Variants in GRAMD2A observed in about 807,000 individuals in gnomAD.
The protein encoded by GRAMD2A is GRAM domain-containing protein 2A.
A neutral mutation model predicts 51.1 loss-of-function variants in GRAMD2A; 37 were observed. That is an observed-to-expected ratio of 0.72 (90% confidence interval 0.56 to 0.95). GRAMD2A has a LOEUF of 0.95. GRAMD2A is among the 40% of genes least tolerant of loss of function. The pLI, the probability that GRAMD2A is intolerant of heterozygous loss-of-function variation, is 0.00. For missense variants in GRAMD2A, 414 were observed against 426.9 expected (o/e 0.97, Z 0.27); for synonymous variants, 136 against 157.1 (o/e 0.87, Z 1.01).
At chr15:72,171,682 G>A (rs1006128241) in intron 1 of GRAMD2A, among the ~76,000 whole-genome samples, 1 of 152,078 alleles carries the variant, frequency 6.6e-6, no homozygotes, top group Non-Finnish European at 1.5e-5. Context: ...GTCTTCATTT[G>A]TATTTCTGCT....
chr15:72,176,583 C>T (rs2081654613), intron 1 of GRAMD2A: 1 of 152,476 alleles, frequency 6.6e-6, no homozygotes, highest in Non-Finnish European at 1.5e-5. Context: ...GGCAACAGGC[C>T]CCGACAGTAC....
At chr15:72,162,198 C>T (rs1451498491) in intron 11 of GRAMD2A, 75 bp downstream of exon 11, 4 of 1,389,076 alleles carry the variant, frequency 2.9e-6, no homozygotes, top group Non-Finnish European at 4.1e-6. Flanking sequence ...TCCAGCCAGG[C>T]AGCCTGGCCT....
Position 72,190,702 on chromosome 15 carries a change from G to A in GRAMD2A, c.41+7029C>T, listed in dbSNP as rs572890962. On this transcript the variant is annotated intron_variant, in intron 1 of 11. Transcript: ENST00000309731. ...CTGAGGTCCAGGCAAGAGTTGGAGG[G>A]TGGATCTGTGAACTCCTGGAACTTT... Among the ~76,000 whole-genome samples, 11 of 152,330 alleles carry A rather than the reference G, an allele frequency of 7.2e-5. No homozygotes were observed. In the East Asian group the frequency reaches 9.6e-4, roughly 13 times the overall value.
intron 1 of GRAMD2A, among the ~76,000 whole-genome samples, chr15:72,171,003 C>T (rs1357426368): frequency 6.6e-6 from 1 of 152,188 alleles, no homozygotes; most frequent in Admixed American, 6.5e-5. Flanking sequence ...TCAGCCTCAC[C>T]CGCTCCCACC....
At chr15:72,168,613 G>T in intron 3 of GRAMD2A, 47 bp from the exon 4 acceptor site, 1 of 1,489,924 alleles carries the variant, frequency 6.7e-7, no homozygotes, top group Non-Finnish European at 9.4e-7. Context: ...AGATGAGACC[G>T]CCAAAGGGGC....
intron 1 of GRAMD2A, among the ~76,000 whole-genome samples, chr15:72,183,649 G>C (rs538412936): frequency 6.6e-6 from 1 of 152,306 alleles, no homozygotes; most frequent in East Asian, 1.9e-4. Flanking sequence ...GGCCAACATG[G>C]TGAAATCCTG....
intron 1 of GRAMD2A, among the ~76,000 whole-genome samples, chr15:72,177,674 G>A (rs1167175405): frequency 2.0e-5 from 3 of 152,206 alleles, no homozygotes; most frequent in East Asian, 1.9e-4. Flanking sequence ...ATTCACTTCC[G>A]TGGGTAAACA....
chr15:72,167,835 A>G lies in GRAMD2A; in HGVS notation c.273T>C (p.Cys91=). The part of the protein sequence containing the change: ...VPLEEVVLKV[C]SCALQRDFLL... ...GGAAGTCCCTCTGGAGGGCACAGGA[A>G]CACACTAGGATGTCACAGGAGAGAA... The change falls in exon 5 of 12, where the codon TGT becomes TGC. Residue 91 remains cysteine, a synonymous_variant. Transcript: ENST00000309731. 6 of 1,611,458 alleles carry G rather than the reference A, an allele frequency of 3.7e-6. No individual in the cohort carries two copies. Among genetic ancestry groups the G allele is most frequent in the Non-Finnish European group, 5.1e-6 (6 of 1,177,642 alleles).
intron 1 of GRAMD2A, among the ~76,000 whole-genome samples, chr15:72,188,352 A>T (rs1269492453): frequency 6.6e-6 from 1 of 152,094 alleles, no homozygotes; most frequent in East Asian, 1.9e-4. Context: ...AAAAAAAAAA[A>T]AAAGAATGCT....
chr15:72,197,733 G>A lies in GRAMD2A; in HGVS notation c.39C>T (p.Gly13=), dbSNP rs1480618253. 1.5e-6 allele frequency: 2 copies of A among 1,332,298 alleles called. No individual in the cohort carries two copies. Among genetic ancestry groups the A allele is most frequent in the Non-Finnish European group, 9.7e-7 (1 of 1,035,410 alleles). 82.5% of individuals were successfully genotyped at this position (1,332,298 alleles called of 1,614,324 possible). A position where few individuals can be genotyped will look rare whatever the true frequency, so the allele number is the denominator to read the frequency against. Residue 13 remains glycine (G), a splice_region_variant and synonymous_variant, in exon 1 of 12, where the codon GGC becomes GGT. Coordinates refer to ENST00000309731, the MANE Select transcript of GRAMD2A (RefSeq NM_001012642.3). ...ALSRSEATEE[G]GNQQMHRKTA... ...GCCCCCGGGCCGCAACCCCTTACCC[G>A]CCCTCCTCGGTGGCCTCGCTCCGGC...
At chr15:72,165,536 C>A in intron 7 of GRAMD2A, 126 bp from the exon 8 acceptor site, 1 of 925,954 alleles carries the variant, frequency 1.1e-6, no homozygotes, top group Non-Finnish European at 1.7e-6. Context: ...AGGTGAAGCC[C>A]AGCTCCCAGG....
chr15:72,168,700 C>T, intron 3 of GRAMD2A, 134 bp from the exon 4 acceptor site: 1 of 794,640 alleles, frequency 1.3e-6, no homozygotes, highest in Admixed American at 2.0e-5. Flanking sequence ...TAGTAAGCAG[C>T]CAGTGAGTAT....
Position 72,166,947 on chromosome 15 carries a change from G to T in GRAMD2A, c.471+47C>A. Reference sequence around the variant, plus strand: ...CCGAGTCAGACTGTGGGCTGTCAGGGCTGGGAGCGGGAGACTGACAAGGGA... The same window carrying T: ...CCGAGTCAGACTGTGGGCTGTCAGGTCTGGGAGCGGGAGACTGACAAGGGA... On this transcript the variant is annotated intron_variant, in intron 6 of 11. Transcript: ENST00000309731. The surrounding 1 kb of genome is among the most constrained non-coding windows in gnomAD (Gnocchi z 4.1). The T allele has an allele frequency of 6.9e-7, 1 of 1,449,660 alleles. No individual in the cohort carries two copies. Among genetic ancestry groups the T allele is most frequent in the Non-Finnish European group, 9.7e-7 (1 of 1,030,372 alleles). 89.8% of individuals were successfully genotyped at this position (1,449,660 alleles called of 1,614,324 possible).
intron 4 of GRAMD2A, 135 bp downstream of exon 4, chr15:72,168,356 C>T: frequency 1.4e-6 from 1 of 697,942 alleles, no homozygotes; most frequent in Non-Finnish European, 2.6e-6. Flanking sequence ...AGTCTTCTCA[C>T]ATTCTAGGGG....
At chr15:72,162,653 T>G (rs1243041901) in intron 10 of GRAMD2A, 2 of 342,864 alleles carry the variant, frequency 5.8e-6, no homozygotes, top group Non-Finnish European at 1.1e-5. Context: ...GCCAGATCAG[T>G]CATCCTACCC....
At position 72,192,982 on chromosome 15, in the gene GRAMD2A, C is replaced by T. The variant is rs572344798; in HGVS notation, c.41+4749G>A. The stretch of plus-strand genomic sequence containing the variant: ...TCTACTAAAAATACAAAAAATTAGT[C>T]GGGCGTGGTGGCACATGACTGTAAT... On this transcript the variant is annotated intron_variant, in intron 1 of 11. Transcript: ENST00000309731. 5.7e-4 allele frequency among the ~76,000 whole-genome samples: 87 copies of T among 151,858 alleles called. 1 individual carries two copies. In the South Asian group the frequency reaches 0.016, roughly 29 times the overall value.
intron 1 of GRAMD2A, among the ~76,000 whole-genome samples, chr15:72,171,862 C>T (rs1487692353): frequency 1.2e-4 from 18 of 146,274 alleles, no homozygotes; most frequent in African/African-American, 4.5e-4. Context: ...TGGAGTCTCT[C>T]TCTGTCGCCC....
At position 72,161,952 on chromosome 15, in the gene GRAMD2A, C is replaced by G. The variant is rs547119253; in HGVS notation, c.*57G>C. ...AAACCACAGGGATCATTGGTGGAGA[C>G]TTAGCACCCAGAACATTCTTCTTGG... On this transcript the variant is annotated 3_prime_UTR_variant, in exon 12 of 12. Transcript: ENST00000309731. 5 of 1,599,452 alleles carry G rather than the reference C, an allele frequency of 3.1e-6. No individual in the cohort carries two copies. The highest frequency in any genetic ancestry group is 1.7e-5 in the Admixed American group (1 of 59,992).
chr15:72,184,930 C>T (rs2081724436), intron 1 of GRAMD2A, among the ~76,000 whole-genome samples: 1 of 152,190 alleles, frequency 6.6e-6, no homozygotes. Flanking sequence ...CAGATATTTT[C>T]ATATTTGGGC....
Sources: allele counts gnomAD v4.1 joint callset (sites outside exome capture counted in the v4.1 genomes callset), GRCh38; gene constraint gnomAD v4.1.1; non-coding constraint Gnocchi (gnomAD v3.1); transcripts MANE v1.5; gene names NCBI Gene and HGNC (gene_info 2026-07-23, HGNC 2026-07-21).